PROX1: variants seen among roughly 807,000 people sequenced by gnomAD.
PROX1 encodes prospero homeobox protein 1.
In PROX1, 7 loss-of-function variants were observed where a neutral mutation model predicts 58.8. That is an observed-to-expected ratio of 0.12 (90% confidence interval 0.07 to 0.22). PROX1 has a LOEUF of 0.22. Among genes scored for constraint, PROX1 ranks in the 10% least tolerant of loss-of-function variants. The pLI is 1.00. For missense variants in PROX1, 675 were observed against 927.8 expected, an observed-to-expected ratio of 0.73 and a Z score of 3.54; for synonymous variants, 350 against 358.3, an observed-to-expected ratio of 0.98 and a Z score of 0.26.
chr1:214,016,343 T>G (rs1158327119), intron 4 of PROX1, among the ~76,000 whole-genome samples: 1 of 151,740 alleles, frequency 6.6e-6, no homozygotes, highest in East Asian at 1.9e-4. Flanking sequence ...AAGACTTTTA[T>G]TCGCATTGTC....
Position 214,036,563 on chromosome 1 carries a change from G to A in PROX1, c.*729G>A, listed in dbSNP as rs976640169. On this transcript the variant is annotated 3_prime_UTR_variant, in exon 5 of 5. Transcript: ENST00000366958. Reference sequence around the variant, plus strand: ...CTAGAAATTCATACCTGGTCTTGTAGCCACCTCTCTAAACTTGAAAATAGG... The same window carrying A: ...CTAGAAATTCATACCTGGTCTTGTAACCACCTCTCTAAACTTGAAAATAGG... 2 of 152,152 alleles carry A rather than the reference G, an allele frequency of 1.3e-5. No individual in the cohort carries two copies. The highest frequency in any genetic ancestry group is 2.9e-5 in the Non-Finnish European group (2 of 68,032). 9.4% of individuals were successfully genotyped at this position (152,152 alleles called of 1,614,324 possible). A position where few individuals can be genotyped will look rare whatever the true frequency, so the allele number is the denominator to read the frequency against.
In PROX1 at chr1:214,005,943, C is replaced by CGTGT. The variant is rs369421627; in HGVS notation, c.1833+688_1833+691dup. Among the ~76,000 whole-genome samples the CGTGT allele has an allele frequency of 2.3e-3, 342 of 148,032 alleles. 3 individuals are homozygous for CGTGT. The highest frequency in any genetic ancestry group is 7.9e-3 in the African/African-American group (323 of 40,664). ...TCCTGGTTCTCTCTGTGTGTGTATG[C>CGTGT]GTGTGTGTGTGTGTGTGTGTATGTG... On this transcript the variant is annotated intron_variant, in intron 3 of 4. Transcript: ENST00000366958.
chr1:214,004,532 G>A (rs544573995), intron 2 of PROX1, among the ~76,000 whole-genome samples: 11 of 152,022 alleles, frequency 7.2e-5, no homozygotes, highest in Non-Finnish European at 1.5e-4. Flanking sequence ...CCCCCTCCCT[G>A]TCCTCTCCAT....
At chr1:214,007,997 G>A (rs530698174) in intron 3 of PROX1, among the ~76,000 whole-genome samples, 1 of 152,038 alleles carries the variant, frequency 6.6e-6, no homozygotes, top group Non-Finnish European at 1.5e-5. Context: ...ATTCATCTAG[G>A]AGAAAATTCC....
At chr1:214,011,094 T>A (rs1663893161) in intron 3 of PROX1, among the ~76,000 whole-genome samples, 1 of 151,816 alleles carries the variant, frequency 6.6e-6, no homozygotes. Context: ...AAAAAAAAAG[T>A]ATATCAAACT....
intron 4 of PROX1, among the ~76,000 whole-genome samples, chr1:214,023,337 G>GTT (rs985441790): frequency 1.4e-5 from 2 of 146,858 alleles, no homozygotes; most frequent in African/African-American, 2.5e-5. Flanking sequence ...AATTGGCTAT[G>GTT]TTTTTTTTTT....
chr1:214,032,720 T>C (rs541253081), intron 4 of PROX1, among the ~76,000 whole-genome samples: 1 of 152,268 alleles, frequency 6.6e-6, no homozygotes, highest in South Asian at 2.1e-4. Flanking sequence ...CCAAATAACT[T>C]TGCAAAAGAT....
At chr1:213,992,204 G>C (rs548706306) in intron 1 of PROX1, among the ~76,000 whole-genome samples, 5 of 152,270 alleles carry the variant, frequency 3.3e-5, no homozygotes, top group African/African-American at 1.2e-4. Context: ...TGGGATGGGA[G>C]AATCTTAAAT....
At chr1:214,010,852 G>T (rs1663883713) in intron 3 of PROX1, among the ~76,000 whole-genome samples, 1 of 152,164 alleles carries the variant, frequency 6.6e-6, no homozygotes, top group South Asian at 2.1e-4. Context: ...AGGGGGACAT[G>T]GGTCTTATCC....
At position 214,041,162 on chromosome 1, in the gene PROX1, T is replaced by C. The variant is rs545069468; in HGVS notation, c.*5328T>C. The C allele has an allele frequency of 6.6e-6, 1 of 152,302 alleles. No homozygotes were observed. The highest frequency in any genetic ancestry group is 1.9e-4 in the East Asian group (1 of 5,192). 9.4% of individuals were successfully genotyped at this position (152,302 alleles called of 1,614,324 possible). A position where few individuals can be genotyped will look rare whatever the true frequency, so the allele number is the denominator to read the frequency against. Reference sequence around the variant, plus strand: ...CCACTTAAAGGATACAGTAGTCCAATTGCCTTGTGTGCCTTCCATCTCCTC... The same window carrying C: ...CCACTTAAAGGATACAGTAGTCCAACTGCCTTGTGTGCCTTCCATCTCCTC... On this transcript the variant is annotated 3_prime_UTR_variant, in exon 5 of 5. Transcript: ENST00000366958.
Position 214,039,569 on chromosome 1 carries a change from T to C in PROX1, c.*3735T>C, listed in dbSNP as rs1002247008. 6.6e-6 allele frequency: 1 copy of C among 152,210 alleles called. No individual in the cohort carries two copies. Among genetic ancestry groups the C allele is most frequent in the Admixed American group, 6.5e-5 (1 of 15,280 alleles). 9.4% of individuals were successfully genotyped at this position (152,210 alleles called of 1,614,324 possible). ...AAGACATGAGATTTTAATAAATAAC[T>C]ACATTCTCACGACATCTGTTGAATT... On this transcript the variant is annotated 3_prime_UTR_variant, in exon 5 of 5. Coordinates refer to ENST00000366958, the MANE Select transcript of PROX1 (RefSeq NM_001270616.2).
At position 213,988,478 on chromosome 1, in the gene PROX1, C is replaced by A. The variant is rs947153242; in HGVS notation, c.-73C>A. On this transcript the variant is annotated 5_prime_UTR_variant, in exon 1 of 5. Coordinates refer to ENST00000366958, the MANE Select transcript of PROX1 (RefSeq NM_001270616.2). ...AGAGGCTCGGTCCCACTGCTCCCTG[C>A]ACCGCGTAAGTATCTTCTTCTTCCC... The A allele has an allele frequency of 2.0e-5, 3 of 151,984 alleles. No homozygotes were observed. The highest frequency in any genetic ancestry group is 7.3e-5 in the African/African-American group (3 of 41,234). The allele number at this position is 151,984 out of a possible 1,614,324, so 9.4% of individuals were successfully genotyped here. A position where few individuals can be genotyped will look rare whatever the true frequency, so the allele number is the denominator to read the frequency against.
chr1:214,015,743 G>A (rs1207082940), intron 4 of PROX1, among the ~76,000 whole-genome samples: 2 of 152,268 alleles, frequency 1.3e-5, no homozygotes, highest in Non-Finnish European at 2.9e-5. Flanking sequence ...GTTTGTTACC[G>A]CCTGAGTGTA....
chr1:213,999,779 A>G (rs997635267), intron 2 of PROX1, among the ~76,000 whole-genome samples: 6 of 152,234 alleles, frequency 3.9e-5, no homozygotes, highest in Admixed American at 1.3e-4. Context: ...TCAAAGCTGC[A>G]CCAAGCACCA....
chr1:213,995,537 A>T (rs1355350343), intron 1 of PROX1, among the ~76,000 whole-genome samples: 1 of 151,778 alleles, frequency 6.6e-6, no homozygotes, highest in Non-Finnish European at 1.5e-5. Flanking sequence ...TTCTTTGGGC[A>T]TTGGACATAT....
At chr1:214,007,129 T>A (rs1405629498) in intron 3 of PROX1, among the ~76,000 whole-genome samples, 1 of 152,230 alleles carries the variant, frequency 6.6e-6, no homozygotes, top group Non-Finnish European at 1.5e-5. Context: ...ATAAATACCA[T>A]GCAATACAAA....
At chr1:214,018,374 T>G (rs1664167584) in intron 4 of PROX1, among the ~76,000 whole-genome samples, 1 of 152,210 alleles carries the variant, frequency 6.6e-6, no homozygotes, top group Non-Finnish European at 1.5e-5. Context: ...AGCAGATAAT[T>G]AGTTTAAAAA....
intron 1 of PROX1, 88 bp from the exon 2 acceptor site, chr1:213,996,381 C>T: frequency 1.3e-6 from 1 of 780,322 alleles, no homozygotes; most frequent in South Asian, 2.2e-5. Context: ...AGAGCCTATG[C>T]ATTTTGCATT....
chr1:213,987,951 CTTG>C (rs545447861), upstream of PROX1: 8 of 151,576 alleles, frequency 5.3e-5, no homozygotes, highest in South Asian at 2.1e-4. Context: ...TAAAGTAAAT[CTTG>C]TTGTGGAGCG....
Sources: allele counts gnomAD v4.1 joint callset (sites outside exome capture counted in the v4.1 genomes callset), GRCh38; gene constraint gnomAD v4.1.1; transcripts MANE v1.5; gene names NCBI Gene and HGNC (gene_info 2026-07-23, HGNC 2026-07-21).